The following COL19A1 variants were observed in gnomAD, a reference collection of about 807,000 sequenced individuals.
The protein encoded by COL19A1 is collagen type XIX alpha 1 chain, also known as collagen alpha-1(XIX) chain.
In COL19A1, 159 loss-of-function variants were observed where a neutral mutation model predicts 190.2. That is an observed-to-expected ratio of 0.84 (90% CI 0.73 to 0.95). The LOEUF (loss-of-function observed/expected upper bound fraction) is 0.95, where lower values mean the gene tolerates loss of function less well. Among genes scored for constraint, COL19A1 ranks in the 40% least tolerant of loss-of-function variants. COL19A1 has a pLI of 0.00. For synonymous variants in COL19A1, 509 were observed against 458.9 expected (o/e 1.11, Z -1.39); for missense variants, 1,418 against 1,431.9 (o/e 0.99, Z 0.16).
intron 2 of COL19A1, among the ~76,000 whole-genome samples, chr6:69,887,530 C>G (rs548728416): frequency 9.9e-5 from 15 of 152,172 alleles, no homozygotes; most frequent in Non-Finnish European, 2.1e-4. Flanking sequence ...TCTCAAAACC[C>G]AGAAGCCTTC....
chr6:70,140,874 C>G, intron 19 of COL19A1, 80 bp from the exon 20 acceptor site: 1 of 1,353,008 alleles, frequency 7.4e-7, no homozygotes, highest in Non-Finnish European at 1.1e-6. Context: ...TGAGTTTGGC[C>G]TATAGGGTTT....
intron 40 of COL19A1, 117 bp downstream of exon 40, chr6:70,168,798 T>C: frequency 9.4e-7 from 1 of 1,058,706 alleles, no homozygotes; most frequent in South Asian, 1.5e-5. Flanking sequence ...AACATGCTGG[T>C]GGTGACAAGC....
intron 31 of COL19A1, among the ~76,000 whole-genome samples, chr6:70,155,171 T>C (rs182690261): frequency 6.6e-6 from 1 of 152,130 alleles, no homozygotes; most frequent in Non-Finnish European, 1.5e-5. Flanking sequence ...GTCAAAAATA[T>C]TGAATTTGAA....
intron 37 of COL19A1, 111 bp downstream of exon 37, chr6:70,166,096 T>C: frequency 1.0e-6 from 1 of 962,108 alleles, no homozygotes; most frequent in Non-Finnish European, 1.7e-6. Context: ...CTTCTGAATT[T>C]CGTGTATAAA....
chr6:70,023,603 A>T (rs1294225635), intron 11 of COL19A1, 24 bp from the exon 12 acceptor site: 1 of 1,585,520 alleles, frequency 6.3e-7, no homozygotes, highest in African/African-American at 1.4e-5. Context: ...AAGATTTTTC[A>T]TTGTATAAAT....
At chr6:69,989,738 A>T (rs965500897) in intron 11 of COL19A1, among the ~76,000 whole-genome samples, 2 of 152,106 alleles carry the variant, frequency 1.3e-5, no homozygotes, top group South Asian at 4.1e-4. Flanking sequence ...TTAAGAGCCA[A>T]TTTCTAGAAC....
intron 15 of COL19A1, among the ~76,000 whole-genome samples, chr6:70,089,677 G>C (rs559131532): frequency 4.6e-5 from 7 of 152,306 alleles, no homozygotes; most frequent in African/African-American, 1.4e-4. Context: ...ATATGCTTCA[G>C]ACACTGCTAA....
intron 16 of COL19A1, among the ~76,000 whole-genome samples, chr6:70,106,984 G>A (rs190527891): frequency 6.1e-4 from 93 of 152,192 alleles, no homozygotes; most frequent in Non-Finnish European, 7.8e-4. Flanking sequence ...TTACCATCAC[G>A]AGCTCTGCAT....
chr6:70,070,692 C>T (rs1781495361), intron 15 of COL19A1, among the ~76,000 whole-genome samples: 1 of 152,052 alleles, frequency 6.6e-6, no homozygotes, highest in Non-Finnish European at 1.5e-5. Context: ...CAACTGAGTG[C>T]CACCATTTCT....
intron 22 of COL19A1, 124 bp from the exon 23 acceptor site, chr6:70,142,643 G>T (rs143178600): frequency 2.8e-6 from 2 of 715,682 alleles, no homozygotes; most frequent in East Asian, 5.4e-5. Flanking sequence ...TGGGAAAGTG[G>T]GATGGTGGAA....
At chr6:70,191,268 A>C (rs777154895) in intron 48 of COL19A1, among the ~76,000 whole-genome samples, 4 of 152,212 alleles carry the variant, frequency 2.6e-5, no homozygotes, top group Non-Finnish European at 5.9e-5. Flanking sequence ...CCTTATAAAA[A>C]TATTTTTAAA....
chr6:70,157,973 T>C (rs1787546347), intron 34 of COL19A1, among the ~76,000 whole-genome samples: 1 of 152,150 alleles, frequency 6.6e-6, no homozygotes, highest in Non-Finnish European at 1.5e-5. Context: ...TGAAATCCAT[T>C]GCTAATATTC....
Position 70,016,389 on chromosome 6 carries a change from TG to T in COL19A1, c.1027-7237del, listed in dbSNP as rs1289873356. On this transcript the variant is annotated intron_variant, in intron 11 of 50. Transcript: ENST00000620364. ...AATAAAAAAAAAAAAAAAAAACACA[TG>T]AAAAAAAAAAAACAAAACAAAACAA... 8.5e-4 allele frequency among the ~76,000 whole-genome samples: 87 copies of T among 101,778 alleles called. 5 individuals are homozygous for T. The highest frequency in any genetic ancestry group is 4.5e-3 in the Middle Eastern group (1 of 220). 66.8% of individuals were successfully genotyped at this position (101,778 alleles called of 152,430 possible). A position where few individuals can be genotyped will look rare whatever the true frequency, so the allele number is the denominator to read the frequency against.
At chr6:70,074,498 C>CAAAAAAAA (rs368408394) in intron 15 of COL19A1, among the ~76,000 whole-genome samples, 35 of 97,088 alleles carry the variant, frequency 3.6e-4, no homozygotes, top group African/African-American at 4.9e-4. Context: ...GACTCCACCT[C>CAAAAAAAA]AAAAAAAAAA....
chr6:70,143,178 C>T (rs1786375374), intron 23 of COL19A1, among the ~76,000 whole-genome samples: 1 of 152,128 alleles, frequency 6.6e-6, no homozygotes, highest in South Asian at 2.1e-4. Flanking sequence ...TTTCAATATT[C>T]ACAGTTTTTA....
intron 15 of COL19A1, 120 bp from the exon 16 acceptor site, chr6:70,102,049 G>A (rs1783663461): frequency 2.3e-6 from 2 of 858,276 alleles, no homozygotes; most frequent in Non-Finnish European, 3.8e-6. Context: ...ATGTGGAATT[G>A]GAATTGTTTC....
Position 69,906,578 on chromosome 6 carries a change from G to A in COL19A1, c.266+6240G>A, listed in dbSNP as rs567453566. Among the ~76,000 whole-genome samples the A allele has an allele frequency of 4.6e-5, 7 of 152,268 alleles. No individual in the cohort carries two copies. In the East Asian group the frequency reaches 1.2e-3, roughly 25 times the overall value. Reference sequence around the variant, plus strand: ...AGTGTCTAAGAATGAGGGGAAATGAGGCTACGTGTGAAAAAATAACACAGA... The same window carrying A: ...AGTGTCTAAGAATGAGGGGAAATGAAGCTACGTGTGAAAAAATAACACAGA... On this transcript the variant is annotated intron_variant, in intron 4 of 50. Coordinates refer to ENST00000620364, the MANE Select transcript of COL19A1 (RefSeq NM_001858.6).
At chr6:70,049,682 C>A (rs1257393599) in intron 14 of COL19A1, among the ~76,000 whole-genome samples, 1 of 151,868 alleles carries the variant, frequency 6.6e-6, no homozygotes, top group African/African-American at 2.4e-5. Flanking sequence ...AAGTGCTATG[C>A]ATTGACAATT....
chr6:70,139,624 G>T (rs1786111961), intron 19 of COL19A1, among the ~76,000 whole-genome samples: 1 of 151,964 alleles, frequency 6.6e-6, no homozygotes, highest in Non-Finnish European at 1.5e-5. Flanking sequence ...ACTTTACTTT[G>T]CATAATAATC....
Sources: gnomAD v4.1 joint callset for allele counts (sites outside exome capture counted in the v4.1 genomes callset) on GRCh38, gnomAD v4.1.1 for gene constraint, MANE v1.5 for transcripts, NCBI Gene and HGNC (gene_info 2026-07-23, HGNC 2026-07-21) for gene names.